Variants in SYT2 observed in about 807,000 individuals in gnomAD.
SYT2 encodes the protein synaptotagmin 2.
A neutral mutation model predicts 39.9 loss-of-function variants in SYT2; 15 were observed. The ratio of observed to expected loss-of-function variants is 0.38; its 90% CI spans 0.25 to 0.58. SYT2 has a LOEUF of 0.58. Ranked by LOEUF, SYT2 falls within the 20% of genes least tolerant of loss-of-function variation. SYT2 has a pLI of 0.70. For synonymous variants in SYT2, 181 were observed against 204.5 expected (o/e 0.89, Z 0.98); for missense variants, 389 against 530.3 (o/e 0.73, Z 2.62).
chr1:202,666,842 T>C (rs754729550), intron 1 of SYT2, among the ~76,000 whole-genome samples: 3 of 151,956 alleles, frequency 2.0e-5, no homozygotes, highest in Non-Finnish European at 2.9e-5. Context: ...ATTAGCCGGG[T>C]GTGATGGCAG....
chr1:202,611,359 TG>T, intron 1 of SYT2, among the ~76,000 whole-genome samples: 1 of 152,218 alleles, frequency 6.6e-6, no homozygotes, highest in Non-Finnish European at 1.5e-5. Flanking sequence ...GGTGTTTTTT[TG>T]TTGTTTTTGA....
At chr1:202,668,409 A>G (rs1291512597) in intron 1 of SYT2, among the ~76,000 whole-genome samples, 1 of 152,246 alleles carries the variant, frequency 6.6e-6, no homozygotes, top group Non-Finnish European at 1.5e-5. Context: ...AAATGCAAAA[A>G]TATAATCGAG....
intron 1 of SYT2, among the ~76,000 whole-genome samples, chr1:202,685,565 A>G (rs895204782): frequency 2.6e-5 from 4 of 152,066 alleles, no homozygotes; most frequent in Non-Finnish European, 4.4e-5. Flanking sequence ...TTCCCAGGTA[A>G]TTCACCGCAT....
At chr1:202,633,298 G>A (rs1309015462) in intron 1 of SYT2, among the ~76,000 whole-genome samples, 1 of 152,174 alleles carries the variant, frequency 6.6e-6, no homozygotes, top group Non-Finnish European at 1.5e-5. Flanking sequence ...TCCAAAGACG[G>A]CTGGGTAGTT....
In SYT2 at chr1:202,592,692, T is replaced by G. The variant is rs1690167087; in HGVS notation, c.*4065A>C. On this transcript the variant is annotated 3_prime_UTR_variant, in exon 9 of 9. Coordinates refer to ENST00000367268, the MANE Select transcript of SYT2 (RefSeq NM_177402.5). ...GTTGCTTAAAAAATAAAGTAATTCATGTGTCTTCAAGTCACAGTGTCCCCT... is the reference window on the plus strand; with the variant it reads ...GTTGCTTAAAAAATAAAGTAATTCAGGTGTCTTCAAGTCACAGTGTCCCCT... 1 of 152,232 alleles carries G rather than the reference T, an allele frequency of 6.6e-6. No individual in the cohort carries two copies. The highest frequency in any genetic ancestry group is 1.5e-5 in the Non-Finnish European group (1 of 68,052). 9.4% of individuals were successfully genotyped at this position (152,232 alleles called of 1,614,324 possible). A position where few individuals can be genotyped will look rare whatever the true frequency, so the allele number is the denominator to read the frequency against.
intron 1 of SYT2, among the ~76,000 whole-genome samples, chr1:202,704,323 C>T (rs915711252): frequency 1.3e-5 from 2 of 152,172 alleles, no homozygotes; most frequent in African/African-American, 4.8e-5. Context: ...CCTTGGGGAG[C>T]GCCCAGGCTG....
chr1:202,635,322 G>A (rs1260442840), intron 1 of SYT2, among the ~76,000 whole-genome samples: 1 of 152,178 alleles, frequency 6.6e-6, no homozygotes, highest in African/African-American at 2.4e-5. Flanking sequence ...AGGCCACTCA[G>A]GAAGTTCTCC....
chr1:202,704,889 G>A (rs115290126), intron 1 of SYT2, among the ~76,000 whole-genome samples: 192 of 152,352 alleles, frequency 1.3e-3, no homozygotes, highest in African/African-American at 4.5e-3. Context: ...CCTGAAGGAG[G>A]TGCCAGAGCC....
At position 202,595,458 on chromosome 1, in the gene SYT2, G is replaced by C. The variant is rs1690254432; in HGVS notation, c.*1299C>G. 6.6e-6 allele frequency: 1 copy of C among 152,244 alleles called. No homozygotes were observed. Among genetic ancestry groups the C allele is most frequent in the African/African-American group, 2.4e-5 (1 of 41,454 alleles). The allele number at this position is 152,244 out of a possible 1,614,324, so 9.4% of individuals were successfully genotyped here. On this transcript the variant is annotated 3_prime_UTR_variant, in exon 9 of 9. Coordinates refer to ENST00000367268, the MANE Select transcript of SYT2 (RefSeq NM_177402.5). ...CTACCTATCAGCTCTCCAGCATGGA[G>C]GGCAGAGGGCCAAGGGAGCAAGGAG... is the stretch of plus-strand genomic sequence containing the variant.
rs375905191 is a variant in SYT2, at chr1:202,599,377, G to A, written c.920-26C>T. On this transcript the variant is annotated intron_variant, in intron 7 of 8. Coordinates refer to ENST00000367268, the MANE Select transcript of SYT2 (RefSeq NM_177402.5). This position sits in a 1 kb window ranked among gnomAD's most constrained non-coding sequence, Gnocchi z 4.4. ...CTGCGGAGGGAGAATCCCAACCCCAGAGAGGTTCCCCTTAGCCCCCAGCCT... is the reference window on the plus strand; with the variant it reads ...CTGCGGAGGGAGAATCCCAACCCCAAAGAGGTTCCCCTTAGCCCCCAGCCT... 5.5e-5 allele frequency: 87 copies of A among 1,571,118 alleles called. No homozygotes were observed. The highest frequency in any genetic ancestry group is 7.4e-5 in the Non-Finnish European group (86 of 1,165,228).
At chr1:202,625,061 G>T (rs1691342464) in intron 1 of SYT2, among the ~76,000 whole-genome samples, 2 of 152,118 alleles carry the variant, frequency 1.3e-5, no homozygotes, top group African/African-American at 2.4e-5. Flanking sequence ...TAGGGTGTGT[G>T]GTGTGTAGTA....
chr1:202,608,080 A>C (rs972131533), intron 1 of SYT2, among the ~76,000 whole-genome samples: 2 of 152,184 alleles, frequency 1.3e-5, no homozygotes, highest in Non-Finnish European at 2.9e-5. Context: ...TCCCAGCTCC[A>C]GCAACCACTA....
Position 202,596,678 on chromosome 1 carries a change from A to G in SYT2, c.*79T>C. ...AAATGAAAGAAAAAAGAAAACCTCT[A>G]AGGTTGCATAACTGAGGTATTGATA... On this transcript the variant is annotated 3_prime_UTR_variant, in exon 9 of 9. Coordinates refer to ENST00000367268, the MANE Select transcript of SYT2 (RefSeq NM_177402.5). The G allele has an allele frequency of 7.4e-7, 1 of 1,342,438 alleles. No homozygotes were observed. Among genetic ancestry groups the G allele is most frequent in the Non-Finnish European group, 1.0e-6 (1 of 970,342 alleles). The allele number at this position is 1,342,438 out of a possible 1,614,324, so 83.2% of individuals were successfully genotyped here. A position where few individuals can be genotyped will look rare whatever the true frequency, so the allele number is the denominator to read the frequency against.
chr1:202,618,317 C>G (rs796110849), intron 1 of SYT2, among the ~76,000 whole-genome samples: 5 of 152,136 alleles, frequency 3.3e-5, no homozygotes, highest in African/African-American at 1.2e-4. Flanking sequence ...TTCCACAAAC[C>G]ATGTTAAGAC....
chr1:202,680,844 G>A (rs572631048), intron 1 of SYT2, among the ~76,000 whole-genome samples: 2 of 152,316 alleles, frequency 1.3e-5, no homozygotes, highest in African/African-American at 2.4e-5. Context: ...TCTAGAGCTT[G>A]CATGTGGATT....
intron 1 of SYT2, among the ~76,000 whole-genome samples, chr1:202,627,026 A>G (rs2149088084): frequency 6.6e-6 from 1 of 152,154 alleles, no homozygotes; most frequent in East Asian, 1.9e-4. Context: ...TCAAGGACAG[A>G]CCTTGTGTTA....
At chr1:202,693,635 G>A (rs927867788) in intron 1 of SYT2, among the ~76,000 whole-genome samples, 2 of 152,184 alleles carry the variant, frequency 1.3e-5, no homozygotes, top group Admixed American at 1.3e-4. Flanking sequence ...TTGGAATAAA[G>A]ATCTTTCAAG....
At position 202,591,029 on chromosome 1, in the gene SYT2, G is replaced by A. The variant is rs940079985; in HGVS notation, c.*5728C>T. ...CCAGACAGATGCTCTCTCAACTCTT[G>A]CCTCAATTTGTCTCTGCTGTGGGTG... On this transcript the variant is annotated 3_prime_UTR_variant, in exon 9 of 9. Transcript: ENST00000367268. 3 of 152,300 alleles carry A rather than the reference G, an allele frequency of 2.0e-5. No homozygotes were observed. The highest frequency in any genetic ancestry group is 4.4e-5 in the Non-Finnish European group (3 of 68,132). 9.4% of individuals were successfully genotyped at this position (152,300 alleles called of 1,614,324 possible). A position where few individuals can be genotyped will look rare whatever the true frequency, so the allele number is the denominator to read the frequency against.
intron 1 of SYT2, among the ~76,000 whole-genome samples, chr1:202,674,800 C>G (rs1245969171): frequency 6.6e-6 from 1 of 152,152 alleles, no homozygotes; most frequent in Non-Finnish European, 1.5e-5. Flanking sequence ...ACACACTGCT[C>G]TGGTCACACT....
Sources: gnomAD v4.1 joint callset for allele counts (sites outside exome capture counted in the v4.1 genomes callset) on GRCh38, gnomAD v4.1.1 for gene constraint, Gnocchi (gnomAD v3.1) non-coding constraint, MANE v1.5 for transcripts, NCBI Gene and HGNC (gene_info 2026-07-23, HGNC 2026-07-21) for gene names.